The following MSRA variants were observed in gnomAD, a reference collection of about 807,000 sequenced individuals.
MSRA encodes the protein mitochondrial peptide methionine sulfoxide reductase.
Under a neutral mutation model 31.3 loss-of-function variants are expected in MSRA, and 54 were observed. The observed-to-expected ratio is 1.73, with a 90% CI of 1.39 to 2.17. MSRA has a LOEUF of 2.17. Among genes scored for constraint, MSRA ranks in the 30% most tolerant of loss-of-function variants. The pLI is 0.00. For missense variants in MSRA, 507 were observed against 300.9 expected (o/e 1.69, Z -5.07); for synonymous variants, 169 against 116.5 (o/e 1.45, Z -2.90).
rs369336445 is a variant in MSRA, at chr8:10,221,948, G to A, written c.211+14047G>A. ...TGTAATCAGCAAGGGAGGAGGAGGA[G>A]CAGCTGAGGTCAGAGACTACGAGAT... is the stretch of plus-strand genomic sequence containing the variant. On this transcript the variant is annotated intron_variant, in intron 2 of 5. Coordinates refer to ENST00000317173, the MANE Select transcript of MSRA (RefSeq NM_012331.5). 3.3e-5 allele frequency among the ~76,000 whole-genome samples: 5 copies of A among 152,262 alleles called. No homozygotes were observed. In the East Asian group the frequency reaches 5.8e-4, roughly 18 times the overall value.
intron 1 of MSRA, among the ~76,000 whole-genome samples, chr8:10,181,386 G>C (rs140431423): frequency 2.6e-5 from 4 of 151,282 alleles, no homozygotes; most frequent in African/African-American, 9.7e-5. Context: ...AAAAGACAGC[G>C]TGCAGTATAG....
rs78034841 is a variant in MSRA, at chr8:10,127,936, C to T, written c.142+73278C>T. Reference sequence around the variant, plus strand: ...TGGTTTCTTTGTGTACGTGAATGTGCCACCAGGGCAGTGTTTCTCCTGGGG... The same window carrying T: ...TGGTTTCTTTGTGTACGTGAATGTGTCACCAGGGCAGTGTTTCTCCTGGGG... On this transcript the variant is annotated intron_variant, in intron 1 of 5. Coordinates refer to ENST00000317173, the MANE Select transcript of MSRA (RefSeq NM_012331.5). Among the ~76,000 whole-genome samples the T allele has an allele frequency of 8.9e-4, 135 of 152,046 alleles. 2 individuals are homozygous for T. The highest frequency in any genetic ancestry group is 3.1e-3 in the African/African-American group (128 of 41,470).
intron 1 of MSRA, among the ~76,000 whole-genome samples, chr8:10,063,890 C>G (rs887910672): frequency 6.6e-6 from 1 of 152,136 alleles, no homozygotes; most frequent in African/African-American, 2.4e-5. Context: ...TCCTTGCAGC[C>G]CTGTCTAAAA....
At chr8:10,224,931 G>A (rs980438181) in intron 2 of MSRA, among the ~76,000 whole-genome samples, 1 of 152,202 alleles carries the variant, frequency 6.6e-6, no homozygotes, top group Admixed American at 6.5e-5. Context: ...CTGAGGTCAG[G>A]AGTTCAAGAC....
intron 1 of MSRA, among the ~76,000 whole-genome samples, chr8:10,134,491 GC>G (rs1427177058): frequency 1.3e-5 from 2 of 152,204 alleles, no homozygotes; most frequent in African/African-American, 4.8e-5. Flanking sequence ...TGACCGTGGG[GC>G]ACATCCATGC....
chr8:10,219,805 CCAAAAAAAAAA>C (rs1217330398), intron 2 of MSRA, among the ~76,000 whole-genome samples: 1 of 46,072 alleles, frequency 2.2e-5, no homozygotes, highest in African/African-American at 1.7e-4. Flanking sequence ...GACTCTGTCT[CCAAAAAAAAAA>C]AAAAAAAAAA....
chr8:10,396,255 C>G (rs1158876427), intron 5 of MSRA, among the ~76,000 whole-genome samples: 1 of 152,218 alleles, frequency 6.6e-6, no homozygotes, highest in Non-Finnish European at 1.5e-5. Context: ...CTGCCGTTCT[C>G]AGGTGCACTG....
chr8:10,115,755 G>A (rs1047883100), intron 1 of MSRA, among the ~76,000 whole-genome samples: 8 of 152,186 alleles, frequency 5.3e-5, no homozygotes, highest in African/African-American at 1.9e-4. Flanking sequence ...TGGTCCCGCA[G>A]GGCAAGGACG....
intron 4 of MSRA, among the ~76,000 whole-genome samples, chr8:10,318,547 T>G (rs1801857555): frequency 1.3e-5 from 2 of 152,208 alleles, no homozygotes; most frequent in South Asian, 4.1e-4. Flanking sequence ...TATTCTATCA[T>G]CAATAACATT....
chr8:10,112,316 C>T (rs550593298), intron 1 of MSRA, among the ~76,000 whole-genome samples: 25 of 152,192 alleles, frequency 1.6e-4, no homozygotes, highest in Non-Finnish European at 2.8e-4. Flanking sequence ...TTTGATTCAA[C>T]ACCTACTTTT....
At chr8:10,366,538 G>A (rs772081962) in intron 5 of MSRA, among the ~76,000 whole-genome samples, 3 of 152,238 alleles carry the variant, frequency 2.0e-5, no homozygotes, top group Non-Finnish European at 4.4e-5. Flanking sequence ...GAGGGTCAGC[G>A]ATGGGAGCTG....
intron 4 of MSRA, among the ~76,000 whole-genome samples, chr8:10,306,608 C>G (rs1317426208): frequency 2.6e-5 from 4 of 152,120 alleles, no homozygotes. Context: ...GATCCTTGCT[C>G]AAAAGCCTCC....
At chr8:10,215,631 G>T (rs1050661428) in intron 2 of MSRA, among the ~76,000 whole-genome samples, 1 of 152,176 alleles carries the variant, frequency 6.6e-6, no homozygotes, top group African/African-American at 2.4e-5. Flanking sequence ...CCTAATATTG[G>T]CTGGGTACTG....
chr8:10,210,417 C>T (rs1296333081), intron 2 of MSRA, among the ~76,000 whole-genome samples: 1 of 152,216 alleles, frequency 6.6e-6, no homozygotes, highest in Non-Finnish European at 1.5e-5. Context: ...GCTGGGTCCA[C>T]ACACAAAAGT....
chr8:10,055,038 C>A (rs531322159), intron 1 of MSRA, among the ~76,000 whole-genome samples: 5 of 152,344 alleles, frequency 3.3e-5, no homozygotes, highest in Non-Finnish European at 5.9e-5. Flanking sequence ...TTCTTGTCTC[C>A]TCTGCGCCGG....
chr8:10,271,088 A>G (rs1255883412), intron 3 of MSRA, among the ~76,000 whole-genome samples: 3 of 149,688 alleles, frequency 2.0e-5, no homozygotes, highest in African/African-American at 7.4e-5. Context: ...TTAATATTCC[A>G]TAGAAGAAAA....
chr8:10,182,463 T>G (rs928725178), intron 1 of MSRA, among the ~76,000 whole-genome samples: 1 of 152,182 alleles, frequency 6.6e-6, no homozygotes, highest in African/African-American at 2.4e-5. Flanking sequence ...ACCCTCAAGA[T>G]GTTAGATAAG....
intron 5 of MSRA, among the ~76,000 whole-genome samples, chr8:10,427,136 G>T (rs1324719695): frequency 6.6e-6 from 1 of 152,222 alleles, no homozygotes; most frequent in East Asian, 1.9e-4. Context: ...GACAGTCAGA[G>T]TGTGGTTGGT....
chr8:10,149,751 T>A, intron 1 of MSRA, among the ~76,000 whole-genome samples: 1 of 147,424 alleles, frequency 6.8e-6, no homozygotes, highest in Non-Finnish European at 1.5e-5. Context: ...AATACGTAAA[T>A]AATAGCACAG....
Sources: gnomAD v4.1 joint callset for allele counts (sites outside exome capture counted in the v4.1 genomes callset) on GRCh38, gnomAD v4.1.1 for gene constraint, MANE v1.5 for transcripts, NCBI Gene and HGNC (gene_info 2026-07-23, HGNC 2026-07-21) for gene names.